PDZD2: variants seen among roughly 807,000 people sequenced by gnomAD.
The protein encoded by PDZD2 is PDZ domain-containing protein 2.
A neutral mutation model predicts 220.7 loss-of-function variants in PDZD2; 90 were observed. The ratio of observed to expected loss-of-function variants is 0.41; its 90% CI spans 0.34 to 0.49. PDZD2 has a LOEUF of 0.49. Among genes scored for constraint, PDZD2 ranks in the 20% least tolerant of loss-of-function variants. The pLI, the probability that PDZD2 is intolerant of heterozygous loss-of-function variation, is 0.28. For synonymous variants in PDZD2, 1,375 were observed against 1,450.5 expected (o/e 0.95, Z 1.18); for missense variants, 3,174 against 3,608.5 (o/e 0.88, Z 3.08).
intron 2 of PDZD2, among the ~76,000 whole-genome samples, chr5:31,930,874 C>G (rs1290735776): frequency 6.6e-6 from 1 of 152,018 alleles, no homozygotes; most frequent in Non-Finnish European, 1.5e-5. Context: ...GTGAGAGAGA[C>G]TGAAGAAGTG....
At chr5:31,944,546 A>G (rs927161995) in intron 2 of PDZD2, among the ~76,000 whole-genome samples, 1 of 152,228 alleles carries the variant, frequency 6.6e-6, no homozygotes, top group Non-Finnish European at 1.5e-5. Context: ...AAGTATTCCA[A>G]CATGTGGTTG....
At chr5:31,915,499 G>T (rs565144093) in intron 2 of PDZD2, among the ~76,000 whole-genome samples, 2 of 152,282 alleles carry the variant, frequency 1.3e-5, no homozygotes, top group Non-Finnish European at 2.9e-5. Context: ...CTAGAAGCAG[G>T]CAAACTCTCC....
At chr5:31,715,210 G>A (rs253934) in intron 1 of PDZD2, among the ~76,000 whole-genome samples, 30,959 of 151,990 alleles carry the variant, frequency 0.2, 3,493 homozygotes, top group East Asian at 0.34. Context: ...TCCGGTCTCT[G>A]GTAGAGAGGG....
chr5:31,942,712 AT>A, intron 2 of PDZD2, among the ~76,000 whole-genome samples: 1 of 152,218 alleles, frequency 6.6e-6, no homozygotes, highest in East Asian at 1.9e-4. Context: ...GTCCAAACAC[AT>A]TCACATGGTT....
rs190347337 is a variant in PDZD2 at position 32,066,301 on chromosome 5, C to T, written c.2452-3268C>T. On this transcript the variant is annotated intron_variant, in intron 14 of 24. Coordinates refer to ENST00000438447, the MANE Select transcript of PDZD2 (RefSeq NM_178140.4). Reference sequence around the variant, plus strand: ...TAGAGGTTGCAGTAAGCTAAGATCACGCCACTGCACTCCAGCCTGGGCAAC... The same window carrying T: ...TAGAGGTTGCAGTAAGCTAAGATCATGCCACTGCACTCCAGCCTGGGCAAC... Among the ~76,000 whole-genome samples the T allele has an allele frequency of 1.5e-4, 23 of 152,162 alleles. No individual in the cohort carries two copies. In the East Asian group the frequency reaches 3.9e-3, roughly 26 times the overall value.
At chr5:32,100,480 C>T (rs919585452) in intron 23 of PDZD2, 2 of 264,940 alleles carry the variant, frequency 7.5e-6, no homozygotes, top group Non-Finnish European at 1.5e-5. Flanking sequence ...AAACACATTT[C>T]CTCACAGTGG....
intron 1 of PDZD2, among the ~76,000 whole-genome samples, chr5:31,642,026 G>A (rs1010605854): frequency 5.9e-5 from 9 of 152,240 alleles, no homozygotes; most frequent in African/African-American, 2.2e-4. Context: ...GGCCTGGTGA[G>A]CTGAACAAGA....
At chr5:32,032,104 G>C (rs182576574) in intron 6 of PDZD2, among the ~76,000 whole-genome samples, 28 of 152,350 alleles carry the variant, frequency 1.8e-4, no homozygotes, top group Admixed American at 7.8e-4. Flanking sequence ...AGGTACAGCT[G>C]AGAAGCTTTC....
At chr5:31,798,038 G>A (rs1401730418) in intron 1 of PDZD2, among the ~76,000 whole-genome samples, 4 of 152,054 alleles carry the variant, frequency 2.6e-5, no homozygotes, top group African/African-American at 9.7e-5. Flanking sequence ...CTTTCACTGG[G>A]GACTTAATAT....
intron 1 of PDZD2, among the ~76,000 whole-genome samples, chr5:31,750,010 G>A (rs113103050): frequency 3.9e-4 from 60 of 152,274 alleles, no homozygotes; most frequent in African/African-American, 1.1e-3. Flanking sequence ...CCAGGACTGC[G>A]GAATCAGGAT....
intron 2 of PDZD2, among the ~76,000 whole-genome samples, chr5:31,813,893 C>G (rs969728110): frequency 6.6e-6 from 1 of 152,016 alleles, no homozygotes; most frequent in African/African-American, 2.4e-5. Context: ...TCTGGCCAGG[C>G]ACGGTGGCTC....
At chr5:31,867,752 A>G (rs1361489154) in intron 2 of PDZD2, among the ~76,000 whole-genome samples, 1 of 152,136 alleles carries the variant, frequency 6.6e-6, no homozygotes, top group Non-Finnish European at 1.5e-5. Flanking sequence ...GGTGAATCCT[A>G]GTTACTGAGT....
In PDZD2 at chr5:32,014,706, C is replaced by CTTTTTTTTTTTTTTTTTTTTTTTT. The variant is rs556276502; in HGVS notation, c.1407+4229_1407+4252dup. ...ATTTTCTGCTCTGCAATGACAATTT[C>CTTTTTTTTTTTTTTTTTTTTTTTT]TTTTTTTTTTTTTTTTTTTTTTTTT... On this transcript the variant is annotated intron_variant, in intron 6 of 24. Transcript: ENST00000438447. Among the ~76,000 whole-genome samples the CTTTTTTTTTTTTTTTTTTTTTTTT allele has an allele frequency of 3.9e-4, 37 of 95,430 alleles. 11 individuals are homozygous for CTTTTTTTTTTTTTTTTTTTTTTTT. The highest frequency in any genetic ancestry group is 1.6e-3 in the African/African-American group (36 of 22,906). 62.6% of individuals were successfully genotyped at this position (95,430 alleles called of 152,430 possible).
At chr5:31,669,631 A>T (rs1339638505) in intron 1 of PDZD2, among the ~76,000 whole-genome samples, 2 of 152,184 alleles carry the variant, frequency 1.3e-5, no homozygotes, top group East Asian at 1.9e-4. Flanking sequence ...CATAGATTGA[A>T]TGGCTTTCCA....
intron 2 of PDZD2, among the ~76,000 whole-genome samples, chr5:31,957,530 G>A (rs1581158929): frequency 1.3e-5 from 2 of 152,252 alleles, no homozygotes; most frequent in East Asian, 1.9e-4. Flanking sequence ...ATCAGAAGCC[G>A]GTACTAAGTG....
At chr5:31,899,021 G>C (rs1443297689) in intron 2 of PDZD2, among the ~76,000 whole-genome samples, 10 of 151,776 alleles carry the variant, frequency 6.6e-5, no homozygotes, top group Non-Finnish European at 1.3e-4. Context: ...TATAGACGGG[G>C]TTTCACCATG....
At chr5:31,949,154 C>A (rs775322021) in intron 2 of PDZD2, among the ~76,000 whole-genome samples, 10 of 151,062 alleles carry the variant, frequency 6.6e-5, no homozygotes, top group Non-Finnish European at 1.2e-4. Flanking sequence ...TTCTCACCCC[C>A]ACTCCCATCC....
Position 32,053,797 on chromosome 5 carries a change from G to A in PDZD2, c.1814G>A (p.Arg605Gln), listed in dbSNP as rs543154752. Residue 605 changes from arginine to glutamine, a missense_variant, in exon 10 of 25, where the codon CGA (arginine) becomes CAA (glutamine). By Grantham distance (43) the Arg-to-Gln change is conservative (BLOSUM62 1). Coordinates refer to ENST00000438447, the MANE Select transcript of PDZD2 (RefSeq NM_178140.4). The part of the protein sequence containing the change: ...KGLGFSIAGG[R>Q]DCIRGQMGIF... ...CTTGGCTTTAGTATTGCTGGAGGTCGAGACTGCATTCGTGGACAGATGGGG... is the reference window on the plus strand; with the variant it reads ...CTTGGCTTTAGTATTGCTGGAGGTCAAGACTGCATTCGTGGACAGATGGGG... The A allele has an allele frequency of 7.3e-5, 118 of 1,612,552 alleles. No individual in the cohort carries two copies. Among genetic ancestry groups the A allele is most frequent in the South Asian group, 2.3e-4 (21 of 91,036 alleles).
chr5:32,100,842 GC>G, intron 23 of PDZD2: 1 of 1,488,050 alleles, frequency 6.7e-7, no homozygotes, highest in Non-Finnish European at 9.1e-7. Flanking sequence ...GGGCATAAAA[GC>G]ATTTGCCAAT....
Sources: allele counts gnomAD v4.1 joint callset (sites outside exome capture counted in the v4.1 genomes callset), GRCh38; gene constraint gnomAD v4.1.1; transcripts MANE v1.5; gene names NCBI Gene and HGNC (gene_info 2026-07-23, HGNC 2026-07-21).